CCDC191: variants seen among roughly 807,000 people sequenced by gnomAD.
The protein encoded by CCDC191 is coiled-coil domain-containing protein 191.
In CCDC191, 99 loss-of-function variants were observed where a neutral mutation model predicts 114.0. The observed-to-expected ratio is 0.87, with a 90% CI of 0.74 to 1.03. The LOEUF (loss-of-function observed/expected upper bound fraction) is 1.03, where lower values mean the gene tolerates loss of function less well. CCDC191 is among the 50% of genes least tolerant of loss of function. The probability of loss-of-function intolerance (pLI) is 0.00; values close to 1 mark genes in which losing one functional copy is unlikely to be tolerated. For missense variants in CCDC191, 973 were observed against 1,087.0 expected, an observed-to-expected ratio of 0.90 and a Z score of 1.47; for synonymous variants, 351 against 376.0, an observed-to-expected ratio of 0.93 and a Z score of 0.77.
chr3:113,979,027 A>C lies in CCDC191; in HGVS notation c.2308-17T>G, dbSNP rs1236502198. ...TTCTGCCACCTGGACAATTTTTTAA[A>C]TGAGAAATATTATTCCTTAAATTTT... On this transcript the variant is annotated splice_polypyrimidine_tract_variant and intron_variant, in intron 14 of 16. Transcript: ENST00000295878. The C allele has an allele frequency of 1.9e-6, 3 of 1,608,856 alleles. No individual in the cohort carries two copies. In the South Asian group the frequency reaches 3.3e-5, roughly 18 times the overall value.
chr3:114,052,542 G>A (rs1279105005), intron 2 of CCDC191, among the ~76,000 whole-genome samples: 1 of 152,070 alleles, frequency 6.6e-6, no homozygotes, highest in Non-Finnish European at 1.5e-5. Flanking sequence ...TAGCCAGGAA[G>A]CTTCCCCTGA....
At chr3:114,041,902 C>T (rs2076566700) in intron 4 of CCDC191, among the ~76,000 whole-genome samples, 1 of 151,734 alleles carries the variant, frequency 6.6e-6, no homozygotes, top group Non-Finnish European at 1.5e-5. Context: ...TTTCTCTCCT[C>T]TGGAAAAAAA....
Position 114,035,158 on chromosome 3 carries a change from A to AAT in CCDC191, c.595-12_595-11dup. On this transcript the variant is annotated splice_polypyrimidine_tract_variant and intron_variant, in intron 5 of 16. Coordinates refer to ENST00000295878, the MANE Select transcript of CCDC191 (RefSeq NM_020817.2). The stretch of plus-strand genomic sequence containing the variant: ...AGCGATTTTCTTTTACCTTAAAGCA[A>AAT]ATATAATAAAGATGAAGTGTGGCCT... 1 of 1,592,722 alleles carries AAT rather than the reference A, an allele frequency of 6.3e-7. No homozygotes were observed. Among genetic ancestry groups the AAT allele is most frequent in the Non-Finnish European group, 8.6e-7 (1 of 1,163,248 alleles).
chr3:113,976,282 A>G (rs1008454426), intron 16 of CCDC191, among the ~76,000 whole-genome samples: 25 of 151,920 alleles, frequency 1.6e-4, no homozygotes, highest in African/African-American at 6.0e-4. Context: ...AAACAAAACA[A>G]AACACAAAAA....
intron 13 of CCDC191, among the ~76,000 whole-genome samples, chr3:113,982,788 C>G (rs2075206428): frequency 6.6e-6 from 1 of 151,386 alleles, no homozygotes; most frequent in Non-Finnish European, 1.5e-5. Context: ...GAATTTCTCC[C>G]TCACTACTGG....
At chr3:114,016,729 A>T (rs1348174025) in intron 8 of CCDC191, among the ~76,000 whole-genome samples, 5 of 152,222 alleles carry the variant, frequency 3.3e-5, no homozygotes. Context: ...TTATATTTAA[A>T]GTTTAATTGG....
At chr3:114,035,584 T>C (rs1019451110) in intron 5 of CCDC191, among the ~76,000 whole-genome samples, 2 of 152,232 alleles carry the variant, frequency 1.3e-5, no homozygotes, top group Admixed American at 6.5e-5. Flanking sequence ...TTATTGCCTT[T>C]AGGAACACCA....
intron 13 of CCDC191, among the ~76,000 whole-genome samples, chr3:113,999,360 G>A (rs2075806060): frequency 6.6e-6 from 1 of 152,104 alleles, no homozygotes. Context: ...CTGAATCGAT[G>A]GCAAAGAAGG....
At chr3:114,037,510 T>C (rs1485756868) in intron 4 of CCDC191, among the ~76,000 whole-genome samples, 1 of 152,230 alleles carries the variant, frequency 6.6e-6, no homozygotes, top group Non-Finnish European at 1.5e-5. Context: ...CTGAGCAGTA[T>C]TCCACCATAT....
chr3:113,967,682 A>G (rs1940352047), intron 16 of CCDC191, among the ~76,000 whole-genome samples: 1 of 152,186 alleles, frequency 6.6e-6, no homozygotes, highest in South Asian at 2.1e-4. Context: ...AATGCACAAT[A>G]GGTTATTATT....
At position 114,056,494 on chromosome 3, in the gene CCDC191, C is replaced by T; in HGVS notation, c.-28G>A. The T allele has an allele frequency of 5.0e-6, 8 of 1,613,952 alleles. No homozygotes were observed. The highest frequency in any genetic ancestry group is 1.3e-5 in the African/African-American group (1 of 75,046). The stretch of plus-strand genomic sequence containing the variant: ...TCCAAGTTCGAGCCCGAACCTCGGC[C>T]AAAGCTGCAGCAACCGCCCTTCTGC... On this transcript the variant is annotated 5_prime_UTR_variant, in exon 1 of 17. Coordinates refer to ENST00000295878, the MANE Select transcript of CCDC191 (RefSeq NM_020817.2).
At chr3:114,016,534 A>G (rs2107693218) in intron 8 of CCDC191, among the ~76,000 whole-genome samples, 1 of 152,298 alleles carries the variant, frequency 6.6e-6, no homozygotes, top group African/African-American at 2.4e-5. Context: ...CTAAAGCTTT[A>G]TAGTAAAAAA....
At chr3:113,984,246 A>C (rs2075276462) in intron 13 of CCDC191, 1 of 151,858 alleles carries the variant, frequency 6.6e-6, no homozygotes, top group Admixed American at 6.6e-5. Context: ...TATCTATGTC[A>C]TTAGAAAACA....
At chr3:114,043,001 TA>T (rs1049552563) in intron 3 of CCDC191, among the ~76,000 whole-genome samples, 155 bp from the exon 4 acceptor site, 1 of 152,002 alleles carries the variant, frequency 6.6e-6, no homozygotes, top group African/African-American at 2.4e-5. Context: ...ACTGAAAAAA[TA>T]AGCCCTAGCA....
intron 2 of CCDC191, among the ~76,000 whole-genome samples, chr3:114,053,307 C>G (rs2076721485): frequency 6.6e-6 from 1 of 152,134 alleles, no homozygotes; most frequent in African/African-American, 2.4e-5. Flanking sequence ...ATATCCTCTC[C>G]CAAGGCTTCT....
At chr3:113,978,428 G>T (rs529981215) in intron 15 of CCDC191, 97 bp from the exon 16 acceptor site, 1 of 1,261,148 alleles carries the variant, frequency 7.9e-7, no homozygotes, top group Non-Finnish European at 1.1e-6. Context: ...TGAAACAAAA[G>T]AAACAAATGA....
intron 16 of CCDC191, among the ~76,000 whole-genome samples, chr3:113,976,773 A>G (rs1372832988): frequency 6.6e-6 from 1 of 152,136 alleles, no homozygotes; most frequent in African/African-American, 2.4e-5. Context: ...TCATTTTATG[A>G]GAGAGGAACA....
intron 1 of CCDC191, among the ~76,000 whole-genome samples, chr3:114,055,537 A>G (rs2076760720): frequency 6.6e-6 from 1 of 152,236 alleles, no homozygotes; most frequent in Non-Finnish European, 1.5e-5. Flanking sequence ...GGGGCCCTCA[A>G]AAAGGCCACA....
At position 114,005,688 on chromosome 3, in the gene CCDC191, A is replaced by G. The variant is rs760836041; in HGVS notation, c.1688T>C (p.Ile563Thr). The change falls in exon 10 of 17, where the codon ATT (isoleucine) becomes ACT (threonine). Residue 563 changes from isoleucine to threonine, a missense_variant. Physicochemically the swap from Ile to Thr is moderately conservative, Grantham distance 89. Transcript: ENST00000295878. ...CTGAAGTTTCTTCTTTTGCTTCTCA[A>G]TCAGCTGTTGCTGGAAGACATGGCG... The part of the protein sequence containing the change: ...HNRHVFQQQL[I>T]EKQKKKLQEQ... The G allele has an allele frequency of 1.2e-6, 2 of 1,613,968 alleles. No individual in the cohort carries two copies. The highest frequency in any genetic ancestry group is 1.7e-6 in the Non-Finnish European group (2 of 1,180,000).
Sources: gnomAD v4.1 joint callset for allele counts (sites outside exome capture counted in the v4.1 genomes callset) on GRCh38, gnomAD v4.1.1 for gene constraint, MANE v1.5 for transcripts, NCBI Gene and HGNC (gene_info 2026-07-23, HGNC 2026-07-21) for gene names.